SGCZ: variants seen among roughly 807,000 people sequenced by gnomAD.
The protein encoded by SGCZ is sarcoglycan zeta.
SGCZ carries 40 observed loss-of-function variants against 41.3 expected under a neutral mutation model. The ratio of observed to expected loss-of-function variants is 0.97; its 90% confidence interval spans 0.75 to 1.26. The LOEUF (loss-of-function observed/expected upper bound fraction) is 1.26. Ranked by LOEUF, SGCZ falls within the 50% of genes most tolerant of loss-of-function variation. The pLI is 0.00. For synonymous variants in SGCZ, 206 were observed against 137.5 expected (o/e 1.50, Z -3.49); for missense variants, 552 against 369.8 (o/e 1.49, Z -4.04).
chr8:14,096,682 C>A (rs192124985), intron 7 of SGCZ, among the ~76,000 whole-genome samples: 1 of 152,236 alleles, frequency 6.6e-6, no homozygotes, highest in East Asian at 1.9e-4. Context: ...AGGGATGGTA[C>A]CAGCTCTTCT....
intron 2 of SGCZ, among the ~76,000 whole-genome samples, chr8:14,362,101 C>T (rs1803536731): frequency 6.6e-6 from 1 of 152,100 alleles, no homozygotes; most frequent in African/African-American, 2.4e-5. Flanking sequence ...GTCTGTCAGC[C>T]CCTACTGGGA....
chr8:14,288,682 A>C (rs1800731652), intron 3 of SGCZ, among the ~76,000 whole-genome samples: 2 of 152,142 alleles, frequency 1.3e-5, no homozygotes, highest in South Asian at 4.1e-4. Flanking sequence ...CTATCCATCC[A>C]CTGATGGACA....
At chr8:14,223,098 T>C (rs1328808380) in intron 4 of SGCZ, among the ~76,000 whole-genome samples, 1 of 151,894 alleles carries the variant, frequency 6.6e-6, no homozygotes, top group Non-Finnish European at 1.5e-5. Flanking sequence ...GATTGAGCCA[T>C]TGCCCCCGGC....
At chr8:14,221,858 G>C (rs527853029) in intron 4 of SGCZ, among the ~76,000 whole-genome samples, 2 of 151,968 alleles carry the variant, frequency 1.3e-5, no homozygotes, top group Non-Finnish European at 1.5e-5. Context: ...AATCTCGGGA[G>C]ACTGAGGCAG....
chr8:14,837,890 A>G (rs1220857476), intron 1 of SGCZ, among the ~76,000 whole-genome samples: 1 of 152,142 alleles, frequency 6.6e-6, no homozygotes, highest in African/African-American at 2.4e-5. Flanking sequence ...GATATCCATC[A>G]CCTCAAGCAT....
At chr8:15,057,212 A>G (rs755303126) in intron 1 of SGCZ, among the ~76,000 whole-genome samples, 1 of 152,196 alleles carries the variant, frequency 6.6e-6, no homozygotes, top group Non-Finnish European at 1.5e-5. Context: ...GTGCAGCCAG[A>G]AACCCTCCTT....
intron 1 of SGCZ, among the ~76,000 whole-genome samples, chr8:15,003,881 C>T (rs1268428645): frequency 2.0e-5 from 3 of 152,042 alleles, no homozygotes; most frequent in Non-Finnish European, 4.4e-5. Flanking sequence ...ATTTAGAAAC[C>T]CTACCGGGGT....
At chr8:14,332,412 G>C (rs1031231247) in intron 2 of SGCZ, 1 of 152,180 alleles carries the variant, frequency 6.6e-6, no homozygotes, top group African/African-American at 2.4e-5. Flanking sequence ...CTGCACTCCA[G>C]CCTGGGCGAC....
At chr8:14,305,759 C>G (rs1354211385) in intron 3 of SGCZ, among the ~76,000 whole-genome samples, 1 of 152,192 alleles carries the variant, frequency 6.6e-6, no homozygotes, top group African/African-American at 2.4e-5. Context: ...TAAGTTGAAT[C>G]AATTTCTTAT....
intron 2 of SGCZ, among the ~76,000 whole-genome samples, chr8:14,444,019 C>G (rs1363470177): frequency 6.6e-6 from 1 of 152,146 alleles, no homozygotes; most frequent in Non-Finnish European, 1.5e-5. Flanking sequence ...ACAGACGCTT[C>G]TCAAAAGAAG....
chr8:14,333,126 T>G (rs1057235030), intron 2 of SGCZ, among the ~76,000 whole-genome samples: 3 of 152,040 alleles, frequency 2.0e-5, no homozygotes, highest in Admixed American at 2.0e-4. Context: ...CTAATATTAG[T>G]TACATGATGC....
intron 1 of SGCZ, among the ~76,000 whole-genome samples, chr8:14,706,968 C>A (rs1367262780): frequency 1.4e-5 from 2 of 147,332 alleles, no homozygotes; most frequent in East Asian, 2.0e-4. Flanking sequence ...TTTATGTTGT[C>A]ATTTAGTCAA....
intron 1 of SGCZ, among the ~76,000 whole-genome samples, chr8:14,806,045 A>G (rs1300617344): frequency 6.6e-6 from 1 of 151,842 alleles, no homozygotes; most frequent in African/African-American, 2.4e-5. Flanking sequence ...GAACAAAGAT[A>G]CAACATACCA....
At chr8:14,202,544 C>A (rs1051193030) in intron 4 of SGCZ, among the ~76,000 whole-genome samples, 9 of 151,726 alleles carry the variant, frequency 5.9e-5, no homozygotes, top group African/African-American at 4.8e-5. Context: ...TTTTTTAATA[C>A]CCTACATTGA....
chr8:15,147,623 G>C (rs1209895387), intron 1 of SGCZ, among the ~76,000 whole-genome samples: 1 of 152,160 alleles, frequency 6.6e-6, no homozygotes, highest in African/African-American at 2.4e-5. Context: ...TCCGCTGAAA[G>C]TTGGGCAGGA....
chr8:14,271,551 T>C (rs1420108158), intron 3 of SGCZ, among the ~76,000 whole-genome samples: 5 of 152,220 alleles, frequency 3.3e-5, no homozygotes, highest in African/African-American at 1.2e-4. Context: ...CAATTTTGAC[T>C]TAGGTATTGG....
intron 2 of SGCZ, among the ~76,000 whole-genome samples, chr8:14,502,556 A>G (rs1181181356): frequency 2.0e-5 from 3 of 152,122 alleles, no homozygotes; most frequent in South Asian, 2.1e-4. Context: ...CGATCTATCC[A>G]TCTGACAAAG....
intron 1 of SGCZ, among the ~76,000 whole-genome samples, chr8:14,603,292 C>T (rs1328673993): frequency 6.6e-6 from 1 of 152,052 alleles, no homozygotes; most frequent in Non-Finnish European, 1.5e-5. Flanking sequence ...TCAAACTTTT[C>T]ATTTTATAAT....
chr8:14,433,531 T>G (rs73188356), intron 2 of SGCZ, among the ~76,000 whole-genome samples: 1,828 of 152,304 alleles, frequency 0.012, 22 homozygotes, highest in Non-Finnish European at 0.02. Flanking sequence ...GGTAGAAATG[T>G]AACTTACAAA....
Sources: allele counts gnomAD v4.1 joint callset (sites outside exome capture counted in the v4.1 genomes callset), GRCh38; gene constraint gnomAD v4.1.1; transcripts MANE v1.5; gene names NCBI Gene and HGNC (gene_info 2026-07-23, HGNC 2026-07-21).